The following MBTPS2 variants were observed in gnomAD, a reference collection of about 807,000 sequenced individuals.
MBTPS2 encodes the protein membrane-bound transcription factor site-2 protease.
In MBTPS2, 2 loss-of-function variants were observed where a neutral mutation model predicts 35.4. The ratio of observed to expected loss-of-function variants is 0.06; its 90% CI spans 0.02 to 0.18. MBTPS2 has a LOEUF of 0.18. Among genes scored for constraint, MBTPS2 ranks in the 10% least tolerant of loss-of-function variants. MBTPS2 has a pLI of 1.00. For synonymous variants in MBTPS2, 125 were observed against 140.4 expected, an observed-to-expected ratio of 0.89 and a Z score of 0.77; for missense variants, 244 against 386.5, an observed-to-expected ratio of 0.63 and a Z score of 3.09.
rs898612084 is a variant in MBTPS2 at position 21,885,121 on chromosome X, G to A, written c.*2466G>A. 1.1e-5 allele frequency: 8 copies of A among 749,207 alleles called. No homozygotes were observed. Among genetic ancestry groups the A allele is most frequent in the Non-Finnish European group, 1.1e-5 (7 of 635,100 alleles). The allele number at this position is 749,207 out of a possible 1,213,427, so 61.7% of individuals were successfully genotyped here. A position where few individuals can be genotyped will look rare whatever the true frequency, so the allele number is the denominator to read the frequency against. On this transcript the variant is annotated 3_prime_UTR_variant, in exon 11 of 11. Transcript: ENST00000379484. The stretch of plus-strand genomic sequence containing the variant: ...GTAAAGAATGTATATATTCTTTTCA[G>A]CATCTCAGTTTGAAAAGACATGCAG...
intron 5 of MBTPS2, chrX:21,856,446 C>T (rs771283857): frequency 4.3e-6 from 5 of 1,170,581 alleles, no homozygotes; most frequent in Non-Finnish European, 5.7e-6. Flanking sequence ...CTTTTTCCCA[C>T]GGTCTTCCCG....
intron 4 of MBTPS2, 111 bp downstream of exon 4, chrX:21,851,723 C>A: frequency 7.1e-6 from 4 of 566,621 alleles, no homozygotes; most frequent in South Asian, 2.4e-5. Flanking sequence ...TTTCTTTCTG[C>A]GGCTATTGCC....
chrX:21,849,240 GCAAA>G lies in MBTPS2; in HGVS notation c.439-2263_439-2260del, dbSNP rs2092912030. ...ACTAAAAACAAAGTAAAATTAAAAG[GCAAA>G]CAAACTGTGGAATACATTTATGTCA... On this transcript the variant is annotated intron_variant, in intron 3 of 10. Coordinates refer to ENST00000379484, the MANE Select transcript of MBTPS2 (RefSeq NM_015884.4). Among the ~76,000 whole-genome samples the G allele has an allele frequency of 2.7e-5, 3 of 111,829 alleles. No homozygotes were observed. The South Asian group carries it at 1.1e-3, about 41-fold the overall frequency.
At chrX:21,868,821 G>C (rs1025832624) in intron 6 of MBTPS2, among the ~76,000 whole-genome samples, 4 of 112,262 alleles carry the variant, frequency 3.6e-5, no homozygotes, top group African/African-American at 1.3e-4. Flanking sequence ...ATAGTATCAA[G>C]ATTTTCTACC....
In MBTPS2 at chrX:21,878,065, A is replaced by G. The variant is rs1347474724; in HGVS notation, c.994A>G (p.Thr332Ala). 1.7e-6 allele frequency: 2 copies of G among 1,201,165 alleles called. No homozygotes were observed. Among genetic ancestry groups the G allele is most frequent in the African/African-American group, 1.7e-5 (1 of 57,199 alleles). Residue 332 changes from threonine to alanine, a missense_variant, in exon 8 of 11, where the codon ACT (threonine) becomes GCT (alanine). Thr to Ala is a moderately conservative substitution (Grantham distance 58, BLOSUM62 0). Coordinates refer to ENST00000379484, the MANE Select transcript of MBTPS2 (RefSeq NM_015884.4). Reference sequence around the variant, plus strand: ...AGCATACAAACGACTAGATGGTTCAACTGAATGCTGTAACAATCACAGCCT... The same window carrying G: ...AGCATACAAACGACTAGATGGTTCAGCTGAATGCTGTAACAATCACAGCCT... ...VRAYKRLDGS[T>A]ECCNNHSLTD... is the part of the protein sequence containing the mutation.
intron 4 of MBTPS2, among the ~76,000 whole-genome samples, chrX:21,852,678 T>C (rs1195046341): frequency 1.8e-5 from 2 of 111,272 alleles, no homozygotes; most frequent in African/African-American, 6.5e-5. Flanking sequence ...GGTTGTCTTA[T>C]ATATTTAGTA....
At chrX:21,842,652 G>A (rs950962852) in intron 1 of MBTPS2, among the ~76,000 whole-genome samples, 2 of 111,233 alleles carry the variant, frequency 1.8e-5, no homozygotes, top group African/African-American at 6.5e-5. Context: ...GAAATATCTT[G>A]GATATTTTGG....
intron 5 of MBTPS2, among the ~76,000 whole-genome samples, chrX:21,867,604 TA>T (rs1329507581): frequency 3.9e-5 from 4 of 102,655 alleles, no homozygotes; most frequent in Admixed American, 1.1e-4. Context: ...TTTTAGGGTT[TA>T]AAAAAAAATA....
chrX:21,873,729 C>G (rs945020764), intron 7 of MBTPS2, among the ~76,000 whole-genome samples: 2 of 110,294 alleles, frequency 1.8e-5, no homozygotes, highest in Admixed American at 9.8e-5. Flanking sequence ...ATTAAACTGT[C>G]TTACGTATCT....
intron 5 of MBTPS2, among the ~76,000 whole-genome samples, chrX:21,867,742 A>G (rs955330061): frequency 1.8e-5 from 2 of 108,203 alleles, no homozygotes; most frequent in African/African-American, 6.8e-5. Context: ...GGGTTCAAGC[A>G]ATTCTCCAGC....
intron 7 of MBTPS2, chrX:21,871,794 A>G (rs1245788053): frequency 9.0e-6 from 1 of 111,130 alleles, no homozygotes; most frequent in African/African-American, 3.3e-5. Context: ...GTTATATCTT[A>G]TCCTCATGAT....
In MBTPS2 at chrX:21,884,770, G is replaced by A; in HGVS notation, c.*2115G>A. 1.5e-6 allele frequency: 1 copy of A among 668,580 alleles called. No individual in the cohort carries two copies. The highest frequency in any genetic ancestry group is 1.8e-6 in the Non-Finnish European group (1 of 561,346). 55.1% of individuals were successfully genotyped at this position (668,580 alleles called of 1,213,427 possible). ...AAGTACTTAATAAATGCAGTTGAAT[G>A]GATAATGATTAGTGTTATTTATGGA... On this transcript the variant is annotated 3_prime_UTR_variant, in exon 11 of 11. Coordinates refer to ENST00000379484, the MANE Select transcript of MBTPS2 (RefSeq NM_015884.4).
chrX:21,851,728 AT>A, intron 4 of MBTPS2, 116 bp downstream of exon 4: 1 of 555,172 alleles, frequency 1.8e-6, no homozygotes, highest in Non-Finnish European at 3.2e-6. Flanking sequence ...TTCTGCGGCT[AT>A]TGCCTAGTGC....
chrX:21,844,104 T>C (rs959738988), intron 2 of MBTPS2, among the ~76,000 whole-genome samples: 31 of 99,609 alleles, frequency 3.1e-4, no homozygotes, highest in Non-Finnish European at 5.0e-4. Context: ...AGCAAGACCC[T>C]ATCTCAAATA....
Position 21,845,312 on chromosome X carries a change from CTCT to C in MBTPS2, c.372_374del (p.Ser136del), listed in dbSNP as rs1569321345. 5.9e-6 allele frequency: 7 copies of C among 1,185,759 alleles called. No homozygotes were observed. Among genetic ancestry groups the C allele is most frequent in the Non-Finnish European group, 6.9e-6 (6 of 872,420 alleles). ...CTTCCTCCTCTTCTTCCTCTTCCTC[CTCT>C]TCTTCCTCTTCCTCTTCTTCATCTT... is the stretch of plus-strand genomic sequence containing the variant. On this transcript the variant is annotated inframe_deletion, in exon 3 of 11. Transcript: ENST00000379484.
Position 21,882,940 on chromosome X carries a change from C to T in MBTPS2, c.*285C>T. 1 of 971,948 alleles carries T rather than the reference C, an allele frequency of 1.0e-6. No individual in the cohort carries two copies. Among genetic ancestry groups the T allele is most frequent in the East Asian group, 4.6e-5 (1 of 21,646 alleles). The allele number at this position is 971,948 out of a possible 1,213,427, so 80.1% of individuals were successfully genotyped here. ...TAAGCAAGTGCAAATTCATGTAATA[C>T]CGTTTTGTCTGATTACATATTGTGT... On this transcript the variant is annotated 3_prime_UTR_variant, in exon 11 of 11. Transcript: ENST00000379484.
At chrX:21,857,590 A>G in intron 5 of MBTPS2, 1 of 1,204,094 alleles carries the variant, frequency 8.3e-7, no homozygotes, top group Non-Finnish European at 1.1e-6. Context: ...GTGAAGACCA[A>G]AAACAACCCG....
intron 1 of MBTPS2, among the ~76,000 whole-genome samples, chrX:21,841,192 G>A (rs1470625097): frequency 1.8e-5 from 2 of 111,562 alleles, no homozygotes; most frequent in Non-Finnish European, 3.8e-5. Flanking sequence ...AGGCTGAGGT[G>A]GGAGGATTGC....
Position 21,862,925 on chromosome X carries a change from TATATAA to T in MBTPS2, c.671-5540_671-5535del, listed in dbSNP as rs2092933971. Reference sequence around the variant, plus strand: ...ACATATATAAATATATAAACATATATATATAAACATATATATATATATATATATATA... The same window carrying T: ...ACATATATAAATATATAAACATATATACATATATATATATATATATATATA... On this transcript the variant is annotated intron_variant, in intron 5 of 10. Coordinates refer to ENST00000379484, the MANE Select transcript of MBTPS2 (RefSeq NM_015884.4). Among the ~76,000 whole-genome samples, 2 of 40,165 alleles carry T rather than the reference TATATAA, an allele frequency of 5.0e-5. 1 individual carries two copies. The highest frequency in any genetic ancestry group is 1.7e-4 in the African/African-American group (2 of 11,767). 34.9% of individuals were successfully genotyped at this position (40,165 alleles called of 115,157 possible).
Sources: allele counts gnomAD v4.1 joint callset (sites outside exome capture counted in the v4.1 genomes callset), GRCh38; gene constraint gnomAD v4.1.1; transcripts MANE v1.5; gene names NCBI Gene and HGNC (gene_info 2026-07-23, HGNC 2026-07-21).